DTNB: variants seen among roughly 807,000 people sequenced by gnomAD.
DTNB encodes the protein dystrobrevin beta.
Under a neutral mutation model 90.7 loss-of-function variants are expected in DTNB, and 63 were observed. The observed-to-expected ratio is 0.69, with a 90% CI of 0.57 to 0.86. The LOEUF is 0.86. Ranked by LOEUF, DTNB falls within the 40% of genes least tolerant of loss-of-function variation. The probability of loss-of-function intolerance (pLI) is 0.00; values close to 1 mark genes in which losing one functional copy is unlikely to be tolerated. For synonymous variants in DTNB, 277 were observed against 286.7 expected (o/e 0.97, Z 0.34); for missense variants, 744 against 807.1 (o/e 0.92, Z 0.95).
At chr2:25,620,722 T>TCTC (rs1454447173) in intron 4 of DTNB, among the ~76,000 whole-genome samples, 2 of 151,996 alleles carry the variant, frequency 1.3e-5, no homozygotes, top group African/African-American at 4.8e-5. Context: ...AAGCCAAGAC[T>TCTC]CTGGAAGGCC....
intron 4 of DTNB, among the ~76,000 whole-genome samples, chr2:25,612,870 A>G (rs2069014762): frequency 6.6e-6 from 1 of 152,198 alleles, no homozygotes; most frequent in South Asian, 2.1e-4. Flanking sequence ...AAGCTCACTC[A>G]AGAGAAACAG....
chr2:25,646,358 G>C (rs1178119384), intron 2 of DTNB, among the ~76,000 whole-genome samples: 1 of 151,970 alleles, frequency 6.6e-6, no homozygotes, highest in African/African-American at 2.4e-5. Context: ...TGTAATCCCA[G>C]CTACTTGGGA....
At chr2:25,616,987 A>G (rs1051833320) in intron 4 of DTNB, among the ~76,000 whole-genome samples, 1 of 149,614 alleles carries the variant, frequency 6.7e-6, no homozygotes, top group African/African-American at 2.5e-5. Flanking sequence ...TCAATTAAGT[A>G]TTGCCAGTAA....
At chr2:25,574,067 G>C (rs936802817) in intron 8 of DTNB, among the ~76,000 whole-genome samples, 1 of 152,146 alleles carries the variant, frequency 6.6e-6, no homozygotes, top group African/African-American at 2.4e-5. Flanking sequence ...CTATCATTCT[G>C]TTCGCATTCC....
chr2:25,471,813 A>G (rs2062866166), intron 10 of DTNB, among the ~76,000 whole-genome samples: 1 of 150,700 alleles, frequency 6.6e-6, no homozygotes, highest in South Asian at 2.1e-4. Context: ...TGAGTAAATA[A>G]GCTCAATGAG....
chr2:25,589,880 C>A (rs1401283200), intron 6 of DTNB, among the ~76,000 whole-genome samples: 1 of 152,218 alleles, frequency 6.6e-6, no homozygotes, highest in Non-Finnish European at 1.5e-5. Context: ...GCTCACGCTA[C>A]CAGCCTGGAT....
At chr2:25,662,990 A>G (rs1418141782) in intron 1 of DTNB, among the ~76,000 whole-genome samples, 1 of 152,010 alleles carries the variant, frequency 6.6e-6, no homozygotes, top group Non-Finnish European at 1.5e-5. Flanking sequence ...GGTCTGCTGC[A>G]CCTATTGACC....
intron 8 of DTNB, among the ~76,000 whole-genome samples, chr2:25,533,814 T>C (rs1269894512): frequency 2.6e-5 from 4 of 152,228 alleles, no homozygotes; most frequent in African/African-American, 9.6e-5. Context: ...CTTTCCTCTG[T>C]GAAGACTTTC....
Position 25,617,367 on chromosome 2 carries a change from C to A in DTNB, c.363-10046G>T, listed in dbSNP as rs550005405. The stretch of plus-strand genomic sequence containing the variant: ...AGATTTGGCGAAAATACTTAGTGAA[C>A]CTTTATGTTTAAGAATACATTCATA... On this transcript the variant is annotated intron_variant, in intron 4 of 20. Transcript: ENST00000406818. Among the ~76,000 whole-genome samples, 4 of 152,172 alleles carry A rather than the reference C, an allele frequency of 2.6e-5. No homozygotes were observed. The South Asian group carries it at 6.2e-4, about 24-fold the overall frequency.
At chr2:25,572,451 A>T (rs2060016720) in intron 8 of DTNB, among the ~76,000 whole-genome samples, 1 of 150,598 alleles carries the variant, frequency 6.6e-6, no homozygotes, top group Non-Finnish European at 1.5e-5. Flanking sequence ...TGGGCGACAA[A>T]GCGAGACTCC....
intron 7 of DTNB, among the ~76,000 whole-genome samples, chr2:25,578,170 A>T (rs909850130): frequency 6.6e-6 from 1 of 152,222 alleles, no homozygotes; most frequent in Non-Finnish European, 1.5e-5. Context: ...CTCAAAAAAA[A>T]TTGAGTATGA....
At chr2:25,390,743 G>A (rs1052557903) in intron 16 of DTNB, among the ~76,000 whole-genome samples, 1 of 151,830 alleles carries the variant, frequency 6.6e-6, no homozygotes, top group Admixed American at 6.6e-5. Flanking sequence ...CACTGAGCCC[G>A]ACCAAACTTC....
chr2:25,628,066 T>C lies in DTNB; in HGVS notation c.362+105A>G, dbSNP rs558780814. 15 of 1,212,446 alleles carry C rather than the reference T, an allele frequency of 1.2e-5. No individual in the cohort carries two copies. In the African/African-American group the frequency reaches 1.8e-4, roughly 15 times the overall value. 75.1% of individuals were successfully genotyped at this position (1,212,446 alleles called of 1,614,324 possible). ...TTTCCCTTTTAATCATGATTCTAAGTTGCCAGCTTAGCAAGGCAACTTAGC... is the reference window on the plus strand; with the variant it reads ...TTTCCCTTTTAATCATGATTCTAAGCTGCCAGCTTAGCAAGGCAACTTAGC... On this transcript the variant is annotated intron_variant, in intron 4 of 20. Coordinates refer to ENST00000406818, the MANE Select transcript of DTNB (RefSeq NM_021907.5).
At position 25,590,227 on chromosome 2, in the gene DTNB, G is replaced by C. The variant is rs142287010; in HGVS notation, c.603+5859C>G. On this transcript the variant is annotated intron_variant, in intron 6 of 20. Coordinates refer to ENST00000406818, the MANE Select transcript of DTNB (RefSeq NM_021907.5). ...TCTTTTCTCCTTCTTTCTTCTTCTT[G>C]TTGCCCACAACATGGCAAGCAAGGG... is the stretch of plus-strand genomic sequence containing the variant. 1.9e-3 allele frequency among the ~76,000 whole-genome samples: 286 copies of C among 152,258 alleles called. 2 individuals are homozygous for C. Among genetic ancestry groups the C allele is most frequent in the African/African-American group, 6.4e-3 (267 of 41,538 alleles).
At chr2:25,544,757 C>T (rs1239675534) in intron 8 of DTNB, among the ~76,000 whole-genome samples, 1 of 152,242 alleles carries the variant, frequency 6.6e-6, no homozygotes, top group African/African-American at 2.4e-5. Flanking sequence ...TTCAGCTGCA[C>T]CTTATTATAA....
At chr2:25,594,611 A>G (rs2064221934) in intron 6 of DTNB, among the ~76,000 whole-genome samples, 1 of 152,238 alleles carries the variant, frequency 6.6e-6, no homozygotes, top group Non-Finnish European at 1.5e-5. Context: ...AGGAGAATCT[A>G]GTTTACAACA....
intron 9 of DTNB, among the ~76,000 whole-genome samples, chr2:25,524,011 C>T (rs1266459726): frequency 6.6e-6 from 1 of 151,536 alleles, no homozygotes; most frequent in East Asian, 1.9e-4. Context: ...AAGCAATTCT[C>T]CTGCCTCAGC....
rs2057233161 is a variant in DTNB at position 25,555,767 on chromosome 2, G to T, written c.876+21071C>A. ...ACAGTGGCTCACTCCTGTAATCCCA[G>T]TCCTTTGGGAGGCTGAGGCAGGTGG... is the stretch of plus-strand genomic sequence containing the variant. On this transcript the variant is annotated intron_variant, in intron 8 of 20. Transcript: ENST00000406818. Among the ~76,000 whole-genome samples the T allele has an allele frequency of 5.3e-5, 8 of 152,218 alleles. No individual in the cohort carries two copies. In the South Asian group the frequency reaches 1.7e-3, roughly 32 times the overall value.
intron 6 of DTNB, among the ~76,000 whole-genome samples, chr2:25,586,748 A>T (rs184120586): frequency 2.4e-4 from 37 of 152,270 alleles, no homozygotes; most frequent in African/African-American, 8.7e-4. Context: ...AGGATGTGGA[A>T]TCTGAAGCCT....
Sources: gnomAD v4.1 joint callset for allele counts (sites outside exome capture counted in the v4.1 genomes callset) on GRCh38, gnomAD v4.1.1 for gene constraint, MANE v1.5 for transcripts, NCBI Gene and HGNC (gene_info 2026-07-23, HGNC 2026-07-21) for gene names.